Variants in ASPSCR1 observed in about 807,000 individuals in gnomAD.
ASPSCR1 encodes the protein ASPSCR1 tether for SLC2A4, UBX domain containing.
ASPSCR1 carries 55 observed loss-of-function variants against 68.9 expected under a neutral mutation model. That is an observed-to-expected ratio of 0.80 (90% CI 0.64 to 1.00). ASPSCR1 has a LOEUF of 1.00. Among genes scored for constraint, ASPSCR1 ranks in the 50% least tolerant of loss-of-function variants. The probability of loss-of-function intolerance (pLI) is 0.00; values close to 1 mark genes in which losing one functional copy is unlikely to be tolerated. For missense variants in ASPSCR1, 765 were observed against 762.2 expected, an observed-to-expected ratio of 1.00 and a Z score of -0.04; for synonymous variants, 352 against 332.6, an observed-to-expected ratio of 1.06 and a Z score of -0.63.
At chr17:81,995,252 T>G in intron 5 of ASPSCR1, 1 of 390,378 alleles carries the variant, frequency 2.6e-6, no homozygotes, top group East Asian at 3.9e-5. Context: ...AGGGGCCTTT[T>G]GTTTCCACGC....
intron 4 of ASPSCR1, among the ~76,000 whole-genome samples, chr17:81,989,450 C>G (rs1168501075): frequency 1.3e-5 from 2 of 152,148 alleles, no homozygotes; most frequent in Non-Finnish European, 2.9e-5. Context: ...CTTGGGGAGG[C>G]CTTGGGAAGT....
chr17:82,000,923 C>T (rs781568005), intron 7 of ASPSCR1, among the ~76,000 whole-genome samples: 23 of 151,462 alleles, frequency 1.5e-4, no homozygotes, highest in Non-Finnish European at 3.0e-4. Flanking sequence ...CTCGGCCTCC[C>T]GGCAGCTGGC....
chr17:81,982,748 TTC>T (rs2041835632), intron 2 of ASPSCR1: 1 of 150,410 alleles, frequency 6.6e-6, no homozygotes, highest in Non-Finnish European at 1.5e-5. Context: ...TGTTTTCTCT[TTC>T]TTTCTTTCTT....
At chr17:81,984,727 GAGGACTGTCTCCAACAC>G (rs2041909278) in intron 3 of ASPSCR1, among the ~76,000 whole-genome samples, 1 of 151,766 alleles carries the variant, frequency 6.6e-6, no homozygotes, top group Non-Finnish European at 1.5e-5. Flanking sequence ...ACTGGGACAC[GAGGACTGTCTCCAACAC>G]AGTTCACTCC....
chr17:81,996,555 T>C lies in ASPSCR1; in HGVS notation c.642T>C (p.Arg214=). The change falls in exon 7 of 16, where the codon CGT becomes CGC. Residue 214 remains arginine (R), a synonymous_variant. Coordinates refer to ENST00000306739, the MANE Select transcript of ASPSCR1 (RefSeq NM_024083.4). ...SGELSRGDLS[R]PEDADTSGPC... is the part of the protein sequence containing the mutation. The stretch of plus-strand genomic sequence containing the variant: ...AGCTCAGCCGCGGCGACTTGAGCCG[T>C]CCGGAGGACGCGGACACCTCAGGGC... 5.0e-6 allele frequency: 8 copies of C among 1,612,776 alleles called. No individual in the cohort carries two copies. Among genetic ancestry groups the C allele is most frequent in the Non-Finnish European group, 6.8e-6 (8 of 1,179,616 alleles).
At chr17:82,001,007 G>A (rs1397651264) in intron 7 of ASPSCR1, among the ~76,000 whole-genome samples, 2 of 152,230 alleles carry the variant, frequency 1.3e-5, no homozygotes, top group East Asian at 1.9e-4. Context: ...TGCCCCTCCC[G>A]CCTCGGGGGT....
rs957274609 is a variant in ASPSCR1 at position 81,987,846 on chromosome 17, T to TCAAAAAAA, written c.374+2253_374+2260dup. On this transcript the variant is annotated intron_variant, in intron 4 of 15. Coordinates refer to ENST00000306739, the MANE Select transcript of ASPSCR1 (RefSeq NM_024083.4). The surrounding 1 kb of genome is among the most constrained non-coding windows in gnomAD (Gnocchi z 5.6). ...TGGGTGACAAGAGCAAAACTCCATCTCAAAAAAACAAAAAAACAAAAGAAA... is the reference window on the plus strand; with the variant it reads ...TGGGTGACAAGAGCAAAACTCCATCTCAAAAAAACAAAAAAACAAAAAAACAAAAGAAA... Among the ~76,000 whole-genome samples the TCAAAAAAA allele has an allele frequency of 1.3e-5, 2 of 150,558 alleles. No homozygotes were observed. Among genetic ancestry groups the TCAAAAAAA allele is most frequent in the Non-Finnish European group, 3.0e-5 (2 of 67,694 alleles).
At chr17:81,991,562 C>CCCGTCCCTGTTCATCCCTGT (rs1198254556) in intron 4 of ASPSCR1, among the ~76,000 whole-genome samples, 3 of 152,016 alleles carry the variant, frequency 2.0e-5, no homozygotes, top group Non-Finnish European at 2.9e-5. Flanking sequence ...TCCATCCCTG[C>CCCGTCCCTGTTCATCCCTGT]CCGTCCCTGT....
intron 9 of ASPSCR1, among the ~76,000 whole-genome samples, chr17:82,010,597 C>T (rs962781380): frequency 6.6e-5 from 10 of 151,988 alleles, no homozygotes; most frequent in African/African-American, 2.4e-4. Context: ...GAACGCAGGC[C>T]GCTGTGCACA....
At chr17:81,985,172 AC>A (rs754581751) in intron 3 of ASPSCR1, among the ~76,000 whole-genome samples, 3 of 144,284 alleles carry the variant, frequency 2.1e-5, no homozygotes, top group African/African-American at 5.2e-5. Context: ...ACCTGCACAC[AC>A]CCACACACCA....
chr17:82,012,024 C>T (rs1366626994), intron 11 of ASPSCR1: 2 of 685,836 alleles, frequency 2.9e-6, no homozygotes, highest in Non-Finnish European at 2.6e-6. Context: ...GGGTGGTGTC[C>T]CCTGCAGGTG....
In ASPSCR1 at chr17:81,989,649, C is replaced by T. The variant is rs574672606; in HGVS notation, c.374+4042C>T. On this transcript the variant is annotated intron_variant, in intron 4 of 15. Coordinates refer to ENST00000306739, the MANE Select transcript of ASPSCR1 (RefSeq NM_024083.4). ...GAGCCTGCTTTGTGTATTTGGGGAC[C>T]CCTGGGTGATTTCCTTGGATGGACA... is the stretch of plus-strand genomic sequence containing the variant. Among the ~76,000 whole-genome samples, 175 of 152,220 alleles carry T rather than the reference C, an allele frequency of 1.1e-3. 1 individual carries two copies. Among genetic ancestry groups the T allele is most frequent in the African/African-American group, 4.1e-3 (170 of 41,546 alleles).
Position 81,996,062 on chromosome 17 carries a change from T to G in ASPSCR1, c.503T>G (p.Ile168Ser), listed in dbSNP as rs1395744427. 3.1e-6 allele frequency: 5 copies of G among 1,607,778 alleles called. No homozygotes were observed. In the Admixed American group the frequency reaches 8.4e-5, roughly 27 times the overall value. ...GGCCTGACCGGGGGCAGCGCCACCA[T>G]CAGGTAAGGGCAGTGCTGCTGGGGC... ...SLGLTGGSAT[I>S]RFVMKCYDPV... is the part of the protein sequence containing the mutation. The change falls in exon 6 of 16, where the codon ATC (isoleucine) becomes AGC (serine). Residue 168 changes from isoleucine (I) to serine (S), a missense_variant. Physicochemically the swap from Ile to Ser is moderately radical, Grantham distance 142 (BLOSUM62 -2). Transcript: ENST00000306739.
chr17:82,017,170 G>C, intron 15 of ASPSCR1, 57 bp downstream of exon 15: 1 of 1,569,024 alleles, frequency 6.4e-7, no homozygotes, highest in Non-Finnish European at 8.6e-7. Context: ...CGGGGGTCCG[G>C]GTGCTGTGGC....
rs940767235 is a variant in ASPSCR1, at chr17:82,014,744, C to A, written c.1354-1732C>A. ...ATGCAGCCCCTACAGAGTTGCTGCC[C>A]CGTGGGGGTTGACGTGGGCCTCCTT... is the stretch of plus-strand genomic sequence containing the variant. On this transcript the variant is annotated intron_variant, in intron 12 of 15. Transcript: ENST00000306739. The A allele has an allele frequency of 3.9e-4, 156 of 403,746 alleles. 1 individual carries two copies. Among genetic ancestry groups the A allele is most frequent in the African/African-American group, 2.9e-3 (146 of 49,680 alleles). The allele number at this position is 403,746 out of a possible 1,614,324, so 25.0% of individuals were successfully genotyped here.
intron 3 of ASPSCR1, among the ~76,000 whole-genome samples, chr17:81,985,032 TGCACACACCTCCCCCCCACACACACCCAC>T (rs1250676143): frequency 1.9e-5 from 1 of 53,310 alleles, no homozygotes; most frequent in East Asian, 5.7e-4. Flanking sequence ...CACACCAACA[TGCACACACCTCCCCCCCACACACACCCAC>T]GCACACACCT....
chr17:82,007,452 G>A (rs2042757546), intron 7 of ASPSCR1: 1 of 152,304 alleles, frequency 6.6e-6, no homozygotes, highest in Admixed American at 6.5e-5. Context: ...GCACCCTGGT[G>A]TGGGCTGTGG....
chr17:81,981,981 T>C (rs912502589), intron 2 of ASPSCR1, among the ~76,000 whole-genome samples: 4 of 150,812 alleles, frequency 2.7e-5, no homozygotes, highest in Non-Finnish European at 4.4e-5. Context: ...TTTCTTTCTT[T>C]TTTTTGAGAC....
rs1395032938 is a variant in ASPSCR1 at position 81,986,153 on chromosome 17, CAGTGGCTGGGCAA to C, written c.374+554_374+566del. Among the ~76,000 whole-genome samples the C allele has an allele frequency of 6.6e-6, 1 of 151,836 alleles. No individual in the cohort carries two copies. The highest frequency in any genetic ancestry group is 6.6e-5 in the Admixed American group (1 of 15,262). ...GATGGCTGGGCACAGTGGCTGGGCA[CAGTGGCTGGGCAA>C]AGTGGCTTGCACTTTGGAAGGCCGA... On this transcript the variant is annotated intron_variant, in intron 4 of 15. Transcript: ENST00000306739. The surrounding 1 kb of genome is among the most constrained non-coding windows in gnomAD (Gnocchi z 5.2).
Sources: gnomAD v4.1 joint callset for allele counts (sites outside exome capture counted in the v4.1 genomes callset) on GRCh38, gnomAD v4.1.1 for gene constraint, Gnocchi (gnomAD v3.1) non-coding constraint, MANE v1.5 for transcripts, NCBI Gene and HGNC (gene_info 2026-07-23, HGNC 2026-07-21) for gene names.